The following CCDC92B variants were observed in gnomAD, a reference collection of about 807,000 sequenced individuals.
CCDC92B encodes the protein coiled-coil domain-containing 92B.
CCDC92B carries 2 observed loss-of-function variants against 5.6 expected under a neutral mutation model. The ratio of observed to expected loss-of-function variants is 0.36; its 90% CI spans 0.15 to 1.12. The LOEUF (loss-of-function observed/expected upper bound fraction) is 1.12, where lower values mean the gene tolerates loss of function less well. Among genes scored for constraint, CCDC92B ranks in the 50% most tolerant of loss-of-function variants. The pLI, the probability that CCDC92B is intolerant of heterozygous loss-of-function variation, is 0.40. For synonymous variants in CCDC92B, 115 were observed against 122.3 expected, an observed-to-expected ratio of 0.94 and a Z score of 0.39; for missense variants, 271 against 262.2, an observed-to-expected ratio of 1.03 and a Z score of -0.23.
At chr17:2,731,541 C>CGCGTTTTTTT (rs974435523) in intron 2 of CCDC92B, among the ~76,000 whole-genome samples, 3 of 152,218 alleles carry the variant, frequency 2.0e-5, no homozygotes, top group Non-Finnish European at 2.9e-5. Context: ...CACCCAGCAG[C>CGCGTTTTTTT]GCCTTCAGGG....
At position 2,739,163 on chromosome 17, in the gene CCDC92B, C is replaced by T. The variant is rs375633054; in HGVS notation, c.-23-3995G>A. ...TGGGCGGATCACGAGGTCAGGAGAT[C>T]GAGACCATCCTGGCTAACATGGTAG... On this transcript the variant is annotated intron_variant, in intron 1 of 3. Coordinates refer to ENST00000614400, the MANE Select transcript of CCDC92B (RefSeq NM_001355573.2). Among the ~76,000 whole-genome samples the T allele has an allele frequency of 2.7e-3, 411 of 151,356 alleles. 18 individuals are homozygous for T. In the South Asian group the frequency reaches 0.077, roughly 28 times the overall value.
intron 1 of CCDC92B, among the ~76,000 whole-genome samples, chr17:2,745,090 A>AAAAAT (rs72203225): frequency 7.0e-5 from 10 of 143,000 alleles, no homozygotes; most frequent in Non-Finnish European, 9.0e-5. Flanking sequence ...AAAAAAAAAA[A>AAAAAT]GATAAAATAA....
intron 2 of CCDC92B, 64 bp from the exon 3 acceptor site, chr17:2,730,557 G>A: frequency 1.5e-6 from 1 of 646,422 alleles, no homozygotes; most frequent in South Asian, 7.0e-5. Context: ...GTGTGTGTGT[G>A]TGTGTGAGAG....
intron 2 of CCDC92B, among the ~76,000 whole-genome samples, chr17:2,733,431 G>A (rs1192556175): frequency 6.6e-6 from 1 of 151,830 alleles, no homozygotes; most frequent in East Asian, 2.0e-4. Flanking sequence ...GGCTAATTTT[G>A]TATTTTTAGT....
At position 2,723,993 on chromosome 17, in the gene CCDC92B, C is replaced by A; in HGVS notation, c.*418G>T. The A allele has an allele frequency of 1.0e-6, 1 of 975,906 alleles. No homozygotes were observed. The highest frequency in any genetic ancestry group is 1.2e-6 in the Non-Finnish European group (1 of 821,972). The allele number at this position is 975,906 out of a possible 1,614,324, so 60.5% of individuals were successfully genotyped here. On this transcript the variant is annotated 3_prime_UTR_variant, in exon 4 of 4. Transcript: ENST00000614400. ...GGTGGGGGAGGCGGGGGGTGGGGAG[C>A]TAGAGGGCCTGGGGCGCCAATGCCA...
At chr17:2,745,157 G>A (rs1220658191) in intron 1 of CCDC92B, among the ~76,000 whole-genome samples, 1 of 151,692 alleles carries the variant, frequency 6.6e-6, no homozygotes, top group Admixed American at 6.6e-5. Context: ...TGCTGACTGT[G>A]AGTCTATGTC....
At chr17:2,747,044 C>T (rs577578390) in intron 1 of CCDC92B, among the ~76,000 whole-genome samples, 73 of 152,292 alleles carry the variant, frequency 4.8e-4, no homozygotes, top group African/African-American at 1.7e-3. Flanking sequence ...ACCTTCCCCA[C>T]ACCCTTTTTG....
At chr17:2,729,792 C>T (rs1054272011) in intron 3 of CCDC92B, among the ~76,000 whole-genome samples, 10 of 152,200 alleles carry the variant, frequency 6.6e-5, no homozygotes, top group African/African-American at 1.9e-4. Context: ...ACTCCCCCAG[C>T]TCCCCCATGT....
chr17:2,742,621 C>G (rs2070937023), intron 1 of CCDC92B, among the ~76,000 whole-genome samples: 1 of 152,146 alleles, frequency 6.6e-6, no homozygotes, highest in Non-Finnish European at 1.5e-5. Context: ...TGAATCTCTT[C>G]TTTATCTATA....
chr17:2,740,730 AG>A (rs1430343294), intron 1 of CCDC92B, among the ~76,000 whole-genome samples: 7 of 151,944 alleles, frequency 4.6e-5, no homozygotes, highest in Admixed American at 4.6e-4. Context: ...TAAAAATGGT[AG>A]ACTAAGGCCA....
At chr17:2,740,731 G>C (rs1456852966) in intron 1 of CCDC92B, among the ~76,000 whole-genome samples, 2 of 151,728 alleles carry the variant, frequency 1.3e-5, no homozygotes, top group Non-Finnish European at 2.9e-5. Context: ...AAAAATGGTA[G>C]ACTAAGGCCA....
intron 2 of CCDC92B, among the ~76,000 whole-genome samples, chr17:2,733,316 A>G (rs761646457): frequency 1.5e-4 from 23 of 150,080 alleles, no homozygotes; most frequent in Non-Finnish European, 2.7e-4. Flanking sequence ...CTGGAGTGCA[A>G]TGGCATGATC....
intron 1 of CCDC92B, among the ~76,000 whole-genome samples, chr17:2,743,603 C>T (rs1371184264): frequency 5.3e-5 from 8 of 152,186 alleles, no homozygotes; most frequent in Non-Finnish European, 2.9e-5. Context: ...CCAGCCACTC[C>T]GACCTTGCTT....
intron 2 of CCDC92B, among the ~76,000 whole-genome samples, chr17:2,732,035 C>A (rs1335122127): frequency 6.6e-6 from 1 of 152,206 alleles, no homozygotes; most frequent in Non-Finnish European, 1.5e-5. Flanking sequence ...AAAATGGGGG[C>A]ACAATAGCAC....
intron 1 of CCDC92B, among the ~76,000 whole-genome samples, chr17:2,747,475 C>G (rs553178289): frequency 6.6e-6 from 1 of 152,230 alleles, no homozygotes; most frequent in Non-Finnish European, 1.5e-5. Context: ...GCCTGTCATC[C>G]CAGCACTTTG....
Position 2,735,021 on chromosome 17 carries a change from CA to C in CCDC92B, c.124del (p.Cys42AlafsTer4). 1.0e-6 allele frequency: 1 copy of C among 985,626 alleles called. No individual in the cohort carries two copies. Among genetic ancestry groups the C allele is most frequent in the Non-Finnish European group, 1.2e-6 (1 of 830,062 alleles). 61.1% of individuals were successfully genotyped at this position (985,626 alleles called of 1,614,324 possible). A position where few individuals can be genotyped will look rare whatever the true frequency, so the allele number is the denominator to read the frequency against. ...HLEILRLQKR[C>X]SELTHDLEMR... ...GCCGCCTCTCCTGGCCTCACCTGAG[CA>C]GCGTTTCTGCAGCCTCAGGATCTCC... On this transcript the variant is annotated frameshift_variant, in exon 2 of 4. Coordinates refer to ENST00000614400, the MANE Select transcript of CCDC92B (RefSeq NM_001355573.2). LOFTEE classifies it high-confidence loss of function.
intron 3 of CCDC92B, among the ~76,000 whole-genome samples, chr17:2,727,117 G>A (rs369509578): frequency 4.0e-5 from 6 of 151,848 alleles, no homozygotes; most frequent in African/African-American, 1.4e-4. Context: ...TGTGGGTTCA[G>A]GCAATCCTCC....
chr17:2,741,556 G>A (rs2070926568), intron 1 of CCDC92B, among the ~76,000 whole-genome samples: 1 of 150,660 alleles, frequency 6.6e-6, no homozygotes, highest in Non-Finnish European at 1.5e-5. Flanking sequence ...GTGTCCACCT[G>A]TAGTCCTAGC....
At chr17:2,738,089 GAGTGC>G (rs2070876392) in intron 1 of CCDC92B, among the ~76,000 whole-genome samples, 1 of 152,024 alleles carries the variant, frequency 6.6e-6, no homozygotes, top group Non-Finnish European at 1.5e-5. Context: ...ACCCAGGCTG[GAGTGC>G]AGTGGGGCAA....
Sources: allele counts gnomAD v4.1 joint callset (sites outside exome capture counted in the v4.1 genomes callset), GRCh38; gene constraint gnomAD v4.1.1; transcripts MANE v1.5; gene names NCBI Gene and HGNC (gene_info 2026-07-23, HGNC 2026-07-21).